The following PPM1D variants were observed in gnomAD, a reference collection of about 807,000 sequenced individuals.
PPM1D encodes the protein protein phosphatase 1D.
In PPM1D, 52 loss-of-function variants were observed where a neutral mutation model predicts 58.3. The observed-to-expected ratio is 0.89, with a 90% confidence interval of 0.71 to 1.12. The LOEUF (loss-of-function observed/expected upper bound fraction) is 1.12. PPM1D is among the 50% of genes most tolerant of loss of function. The pLI, the probability that PPM1D is intolerant of heterozygous loss-of-function variation, is 0.00. For synonymous variants in PPM1D, 278 were observed against 285.1 expected, an observed-to-expected ratio of 0.98 and a Z score of 0.25; for missense variants, 564 against 777.2, an observed-to-expected ratio of 0.73 and a Z score of 3.26.
At chr17:60,607,451 T>C (rs1329990087) in intron 1 of PPM1D, among the ~76,000 whole-genome samples, 1 of 152,036 alleles carries the variant, frequency 6.6e-6, no homozygotes, top group African/African-American at 2.4e-5. Flanking sequence ...CTCAGCTAAT[T>C]TTGTATTTTC....
At chr17:60,612,909 G>A (rs1228482781) in intron 1 of PPM1D, among the ~76,000 whole-genome samples, 1 of 152,194 alleles carries the variant, frequency 6.6e-6, no homozygotes, top group East Asian at 1.9e-4. Context: ...TCATGTTTTA[G>A]TGGTGGCAGG....
chr17:60,622,079 A>G (rs768748519), intron 1 of PPM1D, among the ~76,000 whole-genome samples: 3 of 150,608 alleles, frequency 2.0e-5, no homozygotes, highest in Admixed American at 6.6e-5. Context: ...AGTCCCAGCT[A>G]TTTGGGAGGC....
At chr17:60,614,948 A>G (rs1284027790) in intron 1 of PPM1D, among the ~76,000 whole-genome samples, 1 of 152,242 alleles carries the variant, frequency 6.6e-6, no homozygotes, top group Non-Finnish European at 1.5e-5. Flanking sequence ...TCTTGAAGTC[A>G]GTGAGACCAA....
intron 1 of PPM1D, among the ~76,000 whole-genome samples, chr17:60,604,160 A>G (rs931562439): frequency 6.6e-6 from 1 of 152,264 alleles, no homozygotes; most frequent in Non-Finnish European, 1.5e-5. Context: ...CTGAATAGCA[A>G]CACATTTCAT....
chr17:60,645,006 G>A lies in PPM1D; in HGVS notation c.827-2886G>A, dbSNP rs549154730. 1.7e-4 allele frequency among the ~76,000 whole-genome samples: 26 copies of A among 152,232 alleles called. No homozygotes were observed. In the South Asian group the frequency reaches 5.2e-3, roughly 30 times the overall value. On this transcript the variant is annotated intron_variant, in intron 3 of 5. Coordinates refer to ENST00000305921, the MANE Select transcript of PPM1D (RefSeq NM_003620.4). ...CAAAACCCAGAGTTTAAAAATTTAAGTTAGAAGAAACAATCCCTTCTTCTG... is the reference window on the plus strand; with the variant it reads ...CAAAACCCAGAGTTTAAAAATTTAAATTAGAAGAAACAATCCCTTCTTCTG...
intron 1 of PPM1D, among the ~76,000 whole-genome samples, chr17:60,603,490 G>A (rs866432477): frequency 2.0e-5 from 3 of 152,134 alleles, no homozygotes; most frequent in Admixed American, 6.6e-5. Flanking sequence ...CAGCTGAATG[G>A]CCGGGCGCAC....
chr17:60,619,165 T>G (rs959698489), intron 1 of PPM1D, among the ~76,000 whole-genome samples: 25 of 152,276 alleles, frequency 1.6e-4, no homozygotes, highest in African/African-American at 5.5e-4. Context: ...CATATTTCAC[T>G]TAGCATAATG....
At chr17:60,627,854 A>G (rs1057432192) in intron 2 of PPM1D, among the ~76,000 whole-genome samples, 3 of 152,062 alleles carry the variant, frequency 2.0e-5, no homozygotes, top group African/African-American at 4.8e-5. Context: ...AACAGCCATT[A>G]GTCAGTCAAT....
chr17:60,642,943 T>G (rs2031164594), intron 3 of PPM1D, among the ~76,000 whole-genome samples: 1 of 151,276 alleles, frequency 6.6e-6, no homozygotes, highest in South Asian at 2.1e-4. Flanking sequence ...GGCGGGCGCC[T>G]TATAGTCCCA....
At chr17:60,638,571 G>A (rs958637647) in intron 3 of PPM1D, among the ~76,000 whole-genome samples, 1 of 152,134 alleles carries the variant, frequency 6.6e-6, no homozygotes, top group African/African-American at 2.4e-5. Flanking sequence ...ATCTCACCAT[G>A]TTGGCCAGGC....
chr17:60,640,571 A>C (rs2031114047), intron 3 of PPM1D, among the ~76,000 whole-genome samples: 1 of 152,166 alleles, frequency 6.6e-6, no homozygotes, highest in African/African-American at 2.4e-5. Context: ...CAGGAAGTAC[A>C]TGTACAGGTT....
intron 1 of PPM1D, among the ~76,000 whole-genome samples, chr17:60,621,251 A>G (rs1770633142): frequency 6.6e-6 from 1 of 152,156 alleles, no homozygotes; most frequent in African/African-American, 2.4e-5. Context: ...TATTTCTTAC[A>G]TTTCAGTTTT....
At chr17:60,603,028 T>C (rs1321483556) in intron 1 of PPM1D, among the ~76,000 whole-genome samples, 1 of 152,150 alleles carries the variant, frequency 6.6e-6, no homozygotes, top group East Asian at 1.9e-4. Flanking sequence ...CACATGGAAA[T>C]ACTCCATTTC....
intron 4 of PPM1D, among the ~76,000 whole-genome samples, chr17:60,649,103 C>T (rs551625800): frequency 2.3e-4 from 35 of 151,682 alleles, no homozygotes; most frequent in Non-Finnish European, 1.9e-4. Context: ...TTTTTTCCCC[C>T]CAAGAGATGA....
chr17:60,623,774 C>T (rs759756792), intron 2 of PPM1D, 25 bp downstream of exon 2: 4 of 1,605,946 alleles, frequency 2.5e-6, no homozygotes, highest in East Asian at 2.2e-5. Context: ...TTTTCTCTTT[C>T]CTCTTTTGGT....
At chr17:60,621,563 A>ATTTTTTTTT (rs775950363) in intron 1 of PPM1D, among the ~76,000 whole-genome samples, 9 of 96,096 alleles carry the variant, frequency 9.4e-5, no homozygotes, top group African/African-American at 1.5e-4. Context: ...TATTTTTTGT[A>ATTTTTTTTT]TTTTTTTTTT....
intron 5 of PPM1D, among the ~76,000 whole-genome samples, chr17:60,660,951 C>T (rs1261710148): frequency 2.0e-5 from 3 of 151,986 alleles, no homozygotes; most frequent in East Asian, 1.9e-4. Flanking sequence ...CAGTGGCTCA[C>T]GCCTGTTATC....
intron 1 of PPM1D, among the ~76,000 whole-genome samples, chr17:60,616,494 C>A (rs1317234652): frequency 6.6e-6 from 1 of 151,914 alleles, no homozygotes; most frequent in Non-Finnish European, 1.5e-5. Flanking sequence ...CCTATAATCC[C>A]AGCTACTCGG....
At chr17:60,643,573 A>G (rs2031178073) in intron 3 of PPM1D, among the ~76,000 whole-genome samples, 1 of 152,166 alleles carries the variant, frequency 6.6e-6, no homozygotes, top group Non-Finnish European at 1.5e-5. Flanking sequence ...ACAGAACAGG[A>G]TATTTCACAG....
Sources: gnomAD v4.1 joint callset for allele counts (sites outside exome capture counted in the v4.1 genomes callset) on GRCh38, gnomAD v4.1.1 for gene constraint, MANE v1.5 for transcripts, NCBI Gene and HGNC (gene_info 2026-07-23, HGNC 2026-07-21) for gene names.